Variants in KLRD1 observed in about 807,000 individuals in gnomAD.
The protein encoded by KLRD1 is killer cell lectin like receptor D1.
A neutral mutation model predicts 22.6 loss-of-function variants in KLRD1; 21 were observed. The observed-to-expected ratio is 0.93, with a 90% CI of 0.66 to 1.34. The LOEUF (loss-of-function observed/expected upper bound fraction) is 1.34. Among genes scored for constraint, KLRD1 ranks in the 40% most tolerant of loss-of-function variants. KLRD1 has a pLI of 0.00. For synonymous variants in KLRD1, 59 were observed against 71.1 expected (o/e 0.83, Z 0.85); for missense variants, 183 against 208.6 (o/e 0.88, Z 0.76).
intron 1 of KLRD1, among the ~76,000 whole-genome samples, chr12:10,261,224 C>T (rs181272121): frequency 8.9e-4 from 136 of 152,200 alleles, no homozygotes; most frequent in South Asian, 8.7e-3. Context: ...TTATGAAGAG[C>T]ACCTTCTAAG....
At position 10,312,989 on chromosome 12, in the gene KLRD1, C is replaced by CA. The variant is rs199987639; in HGVS notation, c.316-416dup. On this transcript the variant is annotated intron_variant, in intron 4 of 5. Transcript: ENST00000336164. ...GCGACAGAGCAAGACTCCCTCTCAA[C>CA]AAAAAGAAAAAAGAAAAAGCGAAAA... Among the ~76,000 whole-genome samples, 169 of 145,410 alleles carry CA rather than the reference C, an allele frequency of 1.2e-3. 1 individual carries two copies. In the Middle Eastern group the frequency reaches 0.025, roughly 22 times the overall value.
At chr12:10,249,450 CAGA>C (rs1257386316) in intron 1 of KLRD1, among the ~76,000 whole-genome samples, 5 of 152,156 alleles carry the variant, frequency 3.3e-5, no homozygotes, top group African/African-American at 1.2e-4. Flanking sequence ...CTTCATTTTA[CAGA>C]TGTGGAAAAA....
Position 10,288,615 on chromosome 12 carries a change from A to G in KLRD1, c.-100-19363A>G, listed in dbSNP as rs998677607. ...TTTAAGAACTATTACTATCAATATC[A>G]TAGGGTTTATGAAGATTAGATGAAG... On this transcript the variant is annotated intron_variant, in intron 1 of 5. Coordinates refer to the KLRD1 transcript ENST00000544747. Among the ~76,000 whole-genome samples, 168 of 152,174 alleles carry G rather than the reference A, an allele frequency of 1.1e-3. 1 individual carries two copies. Among genetic ancestry groups the G allele is most frequent in the Non-Finnish European group, 2.8e-4 (19 of 68,044 alleles).
At chr12:10,280,509 G>GC (rs1949630454) in intron 1 of KLRD1, among the ~76,000 whole-genome samples, 1 of 152,040 alleles carries the variant, frequency 6.6e-6, no homozygotes, top group South Asian at 2.1e-4. Flanking sequence ...ATTGTGTAGG[G>GC]CAGCAGGATG....
At chr12:10,258,819 A>G (rs188329745) in intron 1 of KLRD1, among the ~76,000 whole-genome samples, 1 of 152,326 alleles carries the variant, frequency 6.6e-6, no homozygotes, top group East Asian at 1.9e-4. Flanking sequence ...ACAAATGCAT[A>G]TGGCTATCTT....
At position 10,324,816 on chromosome 12, in the gene KLRD1, G is replaced by GTATATATATATATATATATATATA. The variant is rs1397212198; in HGVS notation, c.*10024_*10025insATATATATATATATATATATATAT. The GTATATATATATATATATATATATA allele has an allele frequency of 3.0e-4, 5 of 16,628 alleles. No individual in the cohort carries two copies. The highest frequency in any genetic ancestry group is 4.2e-4 in the African/African-American group (5 of 11,970). 1.0% of individuals were successfully genotyped at this position (16,628 alleles called of 1,614,324 possible). ...TAAGTATATATGTATATGTGTGTGT[G>GTATATATATATATATATATATATA]TGTATATATATATATATATATATAT... On this transcript the variant is annotated 3_prime_UTR_variant, in exon 6 of 6. Coordinates refer to ENST00000336164, the MANE Select transcript of KLRD1 (RefSeq NM_002262.5).
intron 1 of KLRD1, among the ~76,000 whole-genome samples, chr12:10,277,262 C>T (rs1949601114): frequency 1.3e-5 from 2 of 151,698 alleles, no homozygotes; most frequent in Non-Finnish European, 2.9e-5. Context: ...ATTCTAATTG[C>T]ATGAAATATT....
intron 1 of KLRD1, among the ~76,000 whole-genome samples, chr12:10,298,211 A>G (rs1475991546): frequency 2.6e-5 from 4 of 152,240 alleles, no homozygotes; most frequent in Non-Finnish European, 4.4e-5. Flanking sequence ...CAATGTGACT[A>G]TCAAACCAGA....
Position 10,254,945 on chromosome 12 carries a change from G to A in KLRD1, c.-101+28712G>A, listed in dbSNP as rs986564092. Among the ~76,000 whole-genome samples, 17 of 148,564 alleles carry A rather than the reference G, an allele frequency of 1.1e-4. 1 individual carries two copies. Among genetic ancestry groups the A allele is most frequent in the African/African-American group, 4.0e-4 (16 of 40,184 alleles). ...AAAAGTAGGCAAAGGACATGAACAGGCACTTCTCAAAAGAAGACATACTTG... is the reference window on the plus strand; with the variant it reads ...AAAAGTAGGCAAAGGACATGAACAGACACTTCTCAAAAGAAGACATACTTG... On this transcript the variant is annotated intron_variant, in intron 1 of 5. Transcript: ENST00000544747.
chr12:10,272,448 A>G lies in KLRD1; in HGVS notation c.-100-35530A>G, dbSNP rs551331470. 2.6e-4 allele frequency among the ~76,000 whole-genome samples: 40 copies of G among 152,356 alleles called. No individual in the cohort carries two copies. In the South Asian group the frequency reaches 7.9e-3, roughly 30 times the overall value. ...AAAGATTTTCAAATCCTCCTCTAAA[A>G]GTACCTGGTTATGAACTCATTATTT... On this transcript the variant is annotated intron_variant, in intron 1 of 5. Transcript: ENST00000544747.
In KLRD1 at chr12:10,328,510, C is replaced by T. The variant is rs1950381308; in HGVS notation, c.*13717C>T. ...TGGCATCAGTTGCAATGTCTTATTT[C>T]TGATTTCATTTATTTAAGGCCTCTC... On this transcript the variant is annotated 3_prime_UTR_variant, in exon 6 of 6. Transcript: ENST00000336164. 6.6e-6 allele frequency: 1 copy of T among 152,002 alleles called. No individual in the cohort carries two copies. The highest frequency in any genetic ancestry group is 6.6e-5 in the Admixed American group (1 of 15,240). The allele number at this position is 152,002 out of a possible 1,614,324, so 9.4% of individuals were successfully genotyped here.
intron 1 of KLRD1, among the ~76,000 whole-genome samples, chr12:10,271,197 C>G (rs889395792): frequency 1.3e-5 from 2 of 151,976 alleles, no homozygotes; most frequent in Admixed American, 6.6e-5. Context: ...ATTCTGTGAC[C>G]GTTTTGATAA....
Position 10,308,068 on chromosome 12 carries a change from A to G in KLRD1, c.-10A>G, listed in dbSNP as rs1379608136. 1.2e-6 allele frequency: 2 copies of G among 1,612,054 alleles called. No homozygotes were observed. Among genetic ancestry groups the G allele is most frequent in the African/African-American group, 1.3e-5 (1 of 74,884 alleles). The stretch of plus-strand genomic sequence containing the variant: ...GCCTTCTCTACTTCGCTCTTGGAAC[A>G]TAATTTCTCATGGCAGGTATGTGTG... On this transcript the variant is annotated 5_prime_UTR_variant, in exon 1 of 6. Coordinates refer to ENST00000336164, the MANE Select transcript of KLRD1 (RefSeq NM_002262.5).
rs142745389 is a variant in KLRD1, at chr12:10,254,615, G to A, written c.-101+28382G>A. 4.5e-3 allele frequency among the ~76,000 whole-genome samples: 682 copies of A among 151,326 alleles called. 14 individuals carry two copies. In the East Asian group the frequency reaches 0.052, roughly 12 times the overall value. ...TTAAAAAGTAGGCAAAAGGCTGGGCGTGGTGGCTCACACCTGTAATCCCAG... is the reference window on the plus strand; with the variant it reads ...TTAAAAAGTAGGCAAAAGGCTGGGCATGGTGGCTCACACCTGTAATCCCAG... On this transcript the variant is annotated intron_variant, in intron 1 of 5. Coordinates refer to the KLRD1 transcript ENST00000544747.
At chr12:10,301,312 G>T (rs1949864169), upstream of KLRD1, among the ~76,000 whole-genome samples, 1 of 152,154 alleles carries the variant, frequency 6.6e-6, no homozygotes, top group Non-Finnish European at 1.5e-5. Flanking sequence ...GTTTGAGGTT[G>T]TTCTTTAGGT....
intron 5 of KLRD1, 30 bp from the exon 6 acceptor site, chr12:10,314,643 T>G: frequency 6.6e-7 from 1 of 1,523,348 alleles, no homozygotes; most frequent in Non-Finnish European, 8.8e-7. Context: ...TTCCTTTTTG[T>G]GTATGTGAAC....
intron 1 of KLRD1, among the ~76,000 whole-genome samples, chr12:10,260,110 TCTGTATAACTAAATGCTCATATCATTCCC>T (rs1949438146): frequency 6.1e-5 from 1 of 16,398 alleles, no homozygotes; most frequent in Non-Finnish European, 3.5e-3. Flanking sequence ...ATCATTCCCA[TCTGTATAACTAAATGCTCATATCATTCCC>T]ATCTGTATAA....
At chr12:10,287,511 C>A (rs2137662466) in intron 1 of KLRD1, among the ~76,000 whole-genome samples, 1 of 152,240 alleles carries the variant, frequency 6.6e-6, no homozygotes, top group Non-Finnish European at 1.5e-5. Flanking sequence ...AAAGACCATC[C>A]ATTTTGGTGC....
chr12:10,274,370 A>G (rs1397573612), intron 1 of KLRD1, among the ~76,000 whole-genome samples: 1 of 152,216 alleles, frequency 6.6e-6, no homozygotes, highest in Non-Finnish European at 1.5e-5. Flanking sequence ...TAGAAGATCA[A>G]CATTTATGTA....
Sources: allele counts gnomAD v4.1 joint callset (sites outside exome capture counted in the v4.1 genomes callset), GRCh38; gene constraint gnomAD v4.1.1; transcripts MANE v1.5; gene names NCBI Gene and HGNC (gene_info 2026-07-23, HGNC 2026-07-21).